The following CD163L1 variants were observed in gnomAD, a reference collection of about 807,000 sequenced individuals.
CD163L1 encodes the protein scavenger receptor cysteine-rich type 1 protein M160.
Under a neutral mutation model 165.4 loss-of-function variants are expected in CD163L1, and 124 were observed. The observed-to-expected ratio is 0.75, with a 90% CI of 0.65 to 0.87. CD163L1 has a LOEUF of 0.87. CD163L1 is among the 40% of genes least tolerant of loss of function. The pLI, the probability that CD163L1 is intolerant of heterozygous loss-of-function variation, is 0.00. For synonymous variants in CD163L1, 585 were observed against 662.2 expected (o/e 0.88, Z 1.79); for missense variants, 1,525 against 1,799.9 (o/e 0.85, Z 2.76).
intron 2 of CD163L1, among the ~76,000 whole-genome samples, chr12:7,436,312 A>AT (rs1355458230): frequency 1.3e-5 from 2 of 152,216 alleles, no homozygotes; most frequent in Non-Finnish European, 2.9e-5. Flanking sequence ...AAGCAAATAC[A>AT]TTAATCAAAA....
chr12:7,363,062 G>A (rs183842199), intron 18 of CD163L1, among the ~76,000 whole-genome samples: 5 of 151,834 alleles, frequency 3.3e-5, no homozygotes, highest in Non-Finnish European at 7.4e-5. Flanking sequence ...GTACTAAGAG[G>A]GACGTTTATA....
chr12:7,424,497 C>A (rs1180825464), intron 4 of CD163L1, among the ~76,000 whole-genome samples: 2 of 152,112 alleles, frequency 1.3e-5, no homozygotes, highest in East Asian at 3.9e-4. Context: ...GGCAATCAGG[C>A]AAGAGAAAGA....
chr12:7,410,157 G>A (rs1320516495), intron 4 of CD163L1, among the ~76,000 whole-genome samples: 2 of 152,084 alleles, frequency 1.3e-5, no homozygotes, highest in Non-Finnish European at 2.9e-5. Flanking sequence ...TTAGCATACT[G>A]TAAAATACAA....
At chr12:7,358,749 A>G (rs1253300675) in intron 18 of CD163L1, among the ~76,000 whole-genome samples, 1 of 152,194 alleles carries the variant, frequency 6.6e-6, no homozygotes, top group African/African-American at 2.4e-5. Flanking sequence ...AGAGACAGCA[A>G]GCATCAGACC....
chr12:7,386,938 C>G (rs2136464949), intron 8 of CD163L1, among the ~76,000 whole-genome samples: 1 of 152,196 alleles, frequency 6.6e-6, no homozygotes, highest in African/African-American at 2.4e-5. Context: ...CCACTTTCAC[C>G]ACTGTTATTT....
rs1947159089 is a variant in CD163L1 at position 7,372,146 on chromosome 12, A to C, written c.3730+1174T>G. 6.6e-6 allele frequency among the ~76,000 whole-genome samples: 1 copy of C among 152,082 alleles called. No individual in the cohort carries two copies. The highest frequency in any genetic ancestry group is 2.1e-4 in the South Asian group (1 of 4,830). On this transcript the variant is annotated intron_variant, in intron 14 of 19. Coordinates refer to ENST00000313599, the MANE Select transcript of CD163L1 (RefSeq NM_174941.6). This position sits in a 1 kb window ranked among gnomAD's most constrained non-coding sequence, Gnocchi z 4.2. The stretch of plus-strand genomic sequence containing the variant: ...ACTACTAACCAAACCCATGCAAATT[A>C]TGTTGATTTAGGTGAAATTTTAATT...
intron 2 of CD163L1, among the ~76,000 whole-genome samples, chr12:7,434,620 T>A (rs1346849036): frequency 6.7e-6 from 1 of 149,656 alleles, no homozygotes; most frequent in East Asian, 1.9e-4. Flanking sequence ...GAAGAGCAAG[T>A]GAGCCAAAGG....
chr12:7,407,672 TAC>T (rs1392542517), intron 4 of CD163L1, among the ~76,000 whole-genome samples: 2 of 151,404 alleles, frequency 1.3e-5, no homozygotes, highest in African/African-American at 4.8e-5. Flanking sequence ...CATATATATA[TAC>T]ACACACATAT....
intron 4 of CD163L1, among the ~76,000 whole-genome samples, chr12:7,426,463 A>T (rs1371972070): frequency 1.3e-5 from 2 of 151,982 alleles, no homozygotes; most frequent in African/African-American, 4.8e-5. Flanking sequence ...AAAAATAAAT[A>T]AATAAATAAA....
At chr12:7,324,965 C>A in the CD163L1 span, among the ~76,000 whole-genome samples, 1 of 152,166 alleles carries the variant, frequency 6.6e-6, no homozygotes, top group African/African-American at 2.4e-5. Flanking sequence ...GTTATGGCTC[C>A]AGTTGATCAG....
rs1947058251 is a variant in CD163L1, at chr12:7,368,034, T to C, written c.4183+53A>G. The C allele has an allele frequency of 1.0e-6, 1 of 1,003,458 alleles. No homozygotes were observed. Among genetic ancestry groups the C allele is most frequent in the Non-Finnish European group, 1.6e-6 (1 of 628,292 alleles). The allele number at this position is 1,003,458 out of a possible 1,614,324, so 62.2% of individuals were successfully genotyped here. On this transcript the variant is annotated intron_variant, in intron 17 of 19. Transcript: ENST00000313599. This position sits in a 1 kb window ranked among gnomAD's most constrained non-coding sequence, Gnocchi z 4.3. ...TTCTGCAAGAATCCCCCATCCTGTG[T>C]GCCCTTGGTGGCAGGTAACTCACAT...
intron 8 of CD163L1, among the ~76,000 whole-genome samples, chr12:7,390,511 T>G (rs1418163760): frequency 6.6e-6 from 1 of 152,008 alleles, no homozygotes; most frequent in African/African-American, 2.4e-5. Context: ...TCAGTAAAAA[T>G]AATAAGAGAA....
At chr12:7,421,461 A>ATACATATATATACATG in intron 4 of CD163L1, among the ~76,000 whole-genome samples, 1 of 91,354 alleles carries the variant, frequency 1.1e-5, no homozygotes, top group Non-Finnish European at 2.0e-5. Context: ...ATGTACATAT[A>ATACATATATATACATG]TACATATATA....
the CD163L1 span, among the ~76,000 whole-genome samples, chr12:7,332,008 C>G: frequency 1.3e-5 from 2 of 151,882 alleles, no homozygotes; most frequent in African/African-American, 4.8e-5. Context: ...AAGTTCGAAC[C>G]AATGGCAAAG....
At chr12:7,357,623 G>A (rs777064871) in intron 18 of CD163L1, 137 bp from the exon 19 acceptor site, 11 of 539,392 alleles carry the variant, frequency 2.0e-5, no homozygotes, top group Non-Finnish European at 3.0e-5. Flanking sequence ...TTAAGAGCAC[G>A]CTTAGTTATC....
intron 4 of CD163L1, among the ~76,000 whole-genome samples, chr12:7,426,672 G>A (rs1398110436): frequency 1.3e-5 from 2 of 151,948 alleles, no homozygotes; most frequent in South Asian, 2.1e-4. Flanking sequence ...AAACCGCCCT[G>A]GCACATGTCT....
At chr12:7,392,629 TCCAGAAG>T (rs1565791215) in intron 8 of CD163L1, among the ~76,000 whole-genome samples, 1 of 151,994 alleles carries the variant, frequency 6.6e-6, no homozygotes, top group Non-Finnish European at 1.5e-5. Context: ...AATCAATGAA[TCCAGAAG>T]CTGGTTTTTC....
chr12:7,323,564 TG>T, the CD163L1 span: 1 of 1,610,110 alleles, frequency 6.2e-7, no homozygotes, highest in East Asian at 2.2e-5. Context: ...ATATGTGGTA[TG>T]AGGATAGAAA....
At chr12:7,418,737 C>T (rs1791923687) in intron 4 of CD163L1, among the ~76,000 whole-genome samples, 1 of 151,928 alleles carries the variant, frequency 6.6e-6, no homozygotes, top group South Asian at 2.1e-4. Flanking sequence ...TCATTCAAGG[C>T]TACCATGAAC....
Sources: allele counts gnomAD v4.1 joint callset (sites outside exome capture counted in the v4.1 genomes callset), GRCh38; gene constraint gnomAD v4.1.1; non-coding constraint Gnocchi (gnomAD v3.1); transcripts MANE v1.5; gene names NCBI Gene and HGNC (gene_info 2026-07-23, HGNC 2026-07-21).